PDZD2: variants seen among roughly 807,000 people sequenced by gnomAD.
PDZD2 encodes the protein PDZ domain-containing protein 2.
PDZD2 carries 90 observed loss-of-function variants against 220.7 expected under a neutral mutation model. The ratio of observed to expected loss-of-function variants is 0.41; its 90% CI spans 0.34 to 0.49. The LOEUF (loss-of-function observed/expected upper bound fraction) is 0.49. Among genes scored for constraint, PDZD2 ranks in the 20% least tolerant of loss-of-function variants. The probability of loss-of-function intolerance (pLI) is 0.28; values close to 1 mark genes in which losing one functional copy is unlikely to be tolerated. For synonymous variants in PDZD2, 1,375 were observed against 1,450.5 expected, an observed-to-expected ratio of 0.95 and a Z score of 1.18; for missense variants, 3,174 against 3,608.5, an observed-to-expected ratio of 0.88 and a Z score of 3.08.
chr5:31,970,228 C>A (rs1022336719), intron 2 of PDZD2, among the ~76,000 whole-genome samples: 5 of 152,106 alleles, frequency 3.3e-5, no homozygotes, highest in African/African-American at 1.2e-4. Context: ...CAAAAATAGG[C>A]AATTCTCAAG....
rs867176446 is a variant in PDZD2, at chr5:31,849,951, T to C, written c.476+50227T>C. On this transcript the variant is annotated intron_variant, in intron 2 of 24. Coordinates refer to ENST00000438447, the MANE Select transcript of PDZD2 (RefSeq NM_178140.4). ...ATATATACACATATATATATATACA[T>C]ATATATATATACACATATATATATA... Among the ~76,000 whole-genome samples the C allele has an allele frequency of 4.3e-4, 9 of 20,944 alleles. 2 individuals are homozygous for C. Among genetic ancestry groups the C allele is most frequent in the South Asian group, 1.8e-3 (1 of 550 alleles). 13.7% of individuals were successfully genotyped at this position (20,944 alleles called of 152,430 possible).
At chr5:31,658,076 G>T (rs1745619431) in intron 1 of PDZD2, among the ~76,000 whole-genome samples, 1 of 152,094 alleles carries the variant, frequency 6.6e-6, no homozygotes, top group Non-Finnish European at 1.5e-5. Context: ...GCATTTCTAT[G>T]AAAGAAAAAA....
chr5:31,658,809 C>T (rs775810208), intron 1 of PDZD2, among the ~76,000 whole-genome samples: 3 of 152,002 alleles, frequency 2.0e-5, no homozygotes, highest in Non-Finnish European at 4.4e-5. Context: ...TTAGTAGAGA[C>T]GGGGTTTCAC....
At chr5:31,908,142 A>G (rs1332965371) in intron 2 of PDZD2, among the ~76,000 whole-genome samples, 2 of 151,810 alleles carry the variant, frequency 1.3e-5, no homozygotes, top group Admixed American at 6.6e-5. Flanking sequence ...ATAGAATCGA[A>G]TAACATCTTT....
chr5:31,933,535 C>T (rs1297082325), intron 2 of PDZD2, among the ~76,000 whole-genome samples: 1 of 152,100 alleles, frequency 6.6e-6, no homozygotes, highest in Non-Finnish European at 1.5e-5. Context: ...GTTTTAGCTT[C>T]TGGGAGAATC....
At chr5:31,919,881 G>A (rs1247488475) in intron 2 of PDZD2, among the ~76,000 whole-genome samples, 3 of 151,468 alleles carry the variant, frequency 2.0e-5, no homozygotes, top group Admixed American at 1.3e-4. Flanking sequence ...TGAACCAGGC[G>A]TGGTGGTGTG....
At chr5:31,961,480 A>G (rs756984432) in intron 2 of PDZD2, among the ~76,000 whole-genome samples, 2 of 152,070 alleles carry the variant, frequency 1.3e-5, no homozygotes, top group Non-Finnish European at 2.9e-5. Context: ...GGCTGCAGTG[A>G]GCTGTGATCA....
intron 6 of PDZD2, among the ~76,000 whole-genome samples, chr5:32,035,810 C>A (rs1301887467): frequency 6.6e-6 from 1 of 152,120 alleles, no homozygotes; most frequent in Non-Finnish European, 1.5e-5. Context: ...TTCTCCCAAC[C>A]CCAATTGGGA....
chr5:31,743,515 C>A (rs1750396576), intron 1 of PDZD2, among the ~76,000 whole-genome samples: 1 of 152,086 alleles, frequency 6.6e-6, no homozygotes, highest in Non-Finnish European at 1.5e-5. Flanking sequence ...GGAAGTCTGT[C>A]ATATTTTTAT....
intron 1 of PDZD2, among the ~76,000 whole-genome samples, chr5:31,653,929 C>T (rs535971743): frequency 1.1e-4 from 17 of 152,240 alleles, no homozygotes; most frequent in East Asian, 1.9e-4. Context: ...GGATTACAGG[C>T]GCCCGCCACC....
Position 32,093,041 on chromosome 5 carries a change from A to C in PDZD2, c.7845+17A>C, listed in dbSNP as rs1743313661. ...CAATCAGAGGTGAGTGAAACACAGA[A>C]AGCTCAGGAACATGAATTGCGGCCG... On this transcript the variant is annotated intron_variant, in intron 21 of 24. Coordinates refer to ENST00000438447, the MANE Select transcript of PDZD2 (RefSeq NM_178140.4). The C allele has an allele frequency of 7.7e-7, 1 of 1,301,002 alleles. No homozygotes were observed. The highest frequency in any genetic ancestry group is 1.2e-5 in the South Asian group (1 of 83,612). The allele number at this position is 1,301,002 out of a possible 1,614,324, so 80.6% of individuals were successfully genotyped here.
intron 2 of PDZD2, among the ~76,000 whole-genome samples, chr5:31,893,594 AC>A (rs1197424359): frequency 6.7e-6 from 1 of 149,956 alleles, no homozygotes; most frequent in Non-Finnish European, 1.5e-5. Flanking sequence ...GACAAAAAAA[AC>A]AGGTGGATAA....
intron 7 of PDZD2, among the ~76,000 whole-genome samples, chr5:32,045,856 A>T (rs1199829028): frequency 1.3e-5 from 2 of 152,128 alleles, no homozygotes; most frequent in Non-Finnish European, 2.9e-5. Flanking sequence ...TTGCCATATG[A>T]CTGTATCAGC....
rs1207773216 is a variant in PDZD2 at position 31,667,038 on chromosome 5, C to T, written c.-361+27601C>T. Among the ~76,000 whole-genome samples, 4 of 151,936 alleles carry T rather than the reference C, an allele frequency of 2.6e-5. No individual in the cohort carries two copies. The East Asian group carries it at 7.8e-4, about 30-fold the overall frequency. On this transcript the variant is annotated intron_variant, in intron 1 of 24. Coordinates refer to ENST00000438447, the MANE Select transcript of PDZD2 (RefSeq NM_178140.4). ...GATCACGAGGTCAGGAGATCGAGACCATCCTGGCTAACACGGTGAAACCCC... is the reference window on the plus strand; with the variant it reads ...GATCACGAGGTCAGGAGATCGAGACTATCCTGGCTAACACGGTGAAACCCC...
chr5:32,090,034 G>A lies in PDZD2; in HGVS notation c.6586G>A (p.Gly2196Arg), dbSNP rs1351890642. ...GKSSLMSDSR[G>R]VPRNSIPGGP... ...ATCAAGCCTGATGTCAGACTCCCGA[G>A]GGGTGCCCAGAAACAGCATTCCAGG... The change falls in exon 20 of 25, where the codon GGG becomes AGG. Residue 2196 changes from glycine to arginine, a missense_variant. Coordinates refer to ENST00000438447, the MANE Select transcript of PDZD2 (RefSeq NM_178140.4). This position sits in a 1 kb window ranked among gnomAD's most constrained non-coding sequence, Gnocchi z 4.3. The A allele has an allele frequency of 6.2e-7, 1 of 1,611,742 alleles. No homozygotes were observed.
At position 32,110,185 on chromosome 5, in the gene PDZD2, T is replaced by C. The variant is rs186439215; in HGVS notation, c.*2050T>C. 1.3e-5 allele frequency: 2 copies of C among 152,780 alleles called. No individual in the cohort carries two copies. The highest frequency in any genetic ancestry group is 3.9e-4 in the East Asian group (2 of 5,186). The allele number at this position is 152,780 out of a possible 1,614,324, so 9.5% of individuals were successfully genotyped here. A position where few individuals can be genotyped will look rare whatever the true frequency, so the allele number is the denominator to read the frequency against. Reference sequence around the variant, plus strand: ...TACAGCTGTGCCTAATAATAATTAATTAATAAACGCACAGCCCTATGTGAA... The same window carrying C: ...TACAGCTGTGCCTAATAATAATTAACTAATAAACGCACAGCCCTATGTGAA... On this transcript the variant is annotated 3_prime_UTR_variant, in exon 25 of 25. Coordinates refer to ENST00000438447, the MANE Select transcript of PDZD2 (RefSeq NM_178140.4).
chr5:31,714,765 T>C (rs751304563), intron 1 of PDZD2, among the ~76,000 whole-genome samples: 2 of 151,958 alleles, frequency 1.3e-5, no homozygotes, highest in Non-Finnish European at 2.9e-5. Flanking sequence ...TTCTAAGAAA[T>C]AAAATGCCTG....
At chr5:32,045,494 TCACTG>T (rs1191738477) in intron 7 of PDZD2, among the ~76,000 whole-genome samples, 1 of 151,634 alleles carries the variant, frequency 6.6e-6, no homozygotes, top group Non-Finnish European at 1.5e-5. Context: ...TGATCTCAAC[TCACTG>T]CAACCTCCCC....
intron 2 of PDZD2, among the ~76,000 whole-genome samples, chr5:31,950,549 T>C (rs1313563878): frequency 6.6e-6 from 1 of 152,240 alleles, no homozygotes; most frequent in Non-Finnish European, 1.5e-5. Flanking sequence ...ATTTGTTTAC[T>C]CTTCATCATG....
Sources: allele counts gnomAD v4.1 joint callset (sites outside exome capture counted in the v4.1 genomes callset), GRCh38; gene constraint gnomAD v4.1.1; non-coding constraint Gnocchi (gnomAD v3.1); transcripts MANE v1.5; gene names NCBI Gene and HGNC (gene_info 2026-07-23, HGNC 2026-07-21).